Variants in FKBP15 observed in about 807,000 individuals in gnomAD.
FKBP15 encodes the protein FK506-binding protein 15.
In FKBP15, 106 loss-of-function variants were observed where a neutral mutation model predicts 158.1. That is an observed-to-expected ratio of 0.67 (90% CI 0.57 to 0.79). FKBP15 has a LOEUF of 0.79. Ranked by LOEUF, FKBP15 falls within the 30% of genes least tolerant of loss-of-function variation. The probability of loss-of-function intolerance (pLI) is 0.00; values close to 1 mark genes in which losing one functional copy is unlikely to be tolerated. For missense variants in FKBP15, 1,287 were observed against 1,479.1 expected, an observed-to-expected ratio of 0.87 and a Z score of 2.13; for synonymous variants, 547 against 548.6, an observed-to-expected ratio of 1.00 and a Z score of 0.04.
At chr9:113,206,659 T>A in intron 3 of FKBP15, 81 bp from the exon 4 acceptor site, 1 of 747,570 alleles carries the variant, frequency 1.3e-6, no homozygotes, top group Non-Finnish European at 2.0e-6. Flanking sequence ...CATACAGAAG[T>A]GGGAACAACA....
In FKBP15 at chr9:113,163,115, C is replaced by T. The variant is rs1253004689; in HGVS notation, c.*2963G>A. 5 of 522,300 alleles carry T rather than the reference C, an allele frequency of 9.6e-6. No individual in the cohort carries two copies. The highest frequency in any genetic ancestry group is 5.9e-5 in the African/African-American group (3 of 51,144). The allele number at this position is 522,300 out of a possible 1,614,324, so 32.4% of individuals were successfully genotyped here. On this transcript the variant is annotated 3_prime_UTR_variant, in exon 28 of 28. Transcript: ENST00000238256. ...GCAACCTTCCTTCTCAGCCAGCCTA[C>T]GTAGGGCCCAGGCATGGTCTTGTGT...
intron 12 of FKBP15, among the ~76,000 whole-genome samples, chr9:113,189,580 A>C (rs1452320674): frequency 6.6e-6 from 1 of 152,116 alleles, no homozygotes; most frequent in Non-Finnish European, 1.5e-5. Context: ...GGCCTCAGAA[A>C]TCCTATCTTC....
At chr9:113,186,169 G>A (rs755043298) in intron 15 of FKBP15, 80 bp downstream of exon 15, 2 of 919,538 alleles carry the variant, frequency 2.2e-6, no homozygotes, top group Admixed American at 2.1e-5. Flanking sequence ...AGAGCTGTTG[G>A]TGTGAAAATG....
At position 113,184,357 on chromosome 9, in the gene FKBP15, T is replaced by A. The variant is rs1443559822; in HGVS notation, c.1651A>T (p.Ile551Phe). ...TCCATTGTAACTGACATGCTAGGAA[T>A]AAGCATGGAATTGCCAGCACTATGT... ...QKHSAGNSML[I>F]PSMSVTMETS... Residue 551 changes from isoleucine (I) to phenylalanine (F), a missense_variant, in exon 17 of 28, where the codon ATT becomes TTT. Transcript: ENST00000238256. This position sits in a 1 kb window ranked among gnomAD's most constrained non-coding sequence, Gnocchi z 4.5. 3 of 1,607,554 alleles carry A rather than the reference T, an allele frequency of 1.9e-6. No homozygotes were observed. The highest frequency in any genetic ancestry group is 2.5e-6 in the Non-Finnish European group (3 of 1,176,750).
intron 6 of FKBP15, among the ~76,000 whole-genome samples, chr9:113,200,665 G>A (rs567380327): frequency 3.9e-4 from 59 of 152,240 alleles, no homozygotes; most frequent in African/African-American, 1.3e-3. Flanking sequence ...AGATCTTTAT[G>A]AGTTTAGAAA....
intron 8 of FKBP15, among the ~76,000 whole-genome samples, chr9:113,197,736 C>T (rs947541680): frequency 3.9e-5 from 6 of 152,262 alleles, no homozygotes; most frequent in Admixed American, 3.9e-4. Flanking sequence ...CTTGTTTAAG[C>T]CCCTCCAAAA....
chr9:113,194,185 A>G lies in FKBP15; in HGVS notation c.865-16T>C. 1 of 1,584,176 alleles carries G rather than the reference A, an allele frequency of 6.3e-7. No homozygotes were observed. The highest frequency in any genetic ancestry group is 8.6e-7 in the Non-Finnish European group (1 of 1,163,432). On this transcript the variant is annotated splice_polypyrimidine_tract_variant and intron_variant, in intron 9 of 27. Transcript: ENST00000238256. ...CAAACTTCACCTAAGGAAACACCGC[A>G]TATTCTCACTCATAGGTGGGAATTG...
intron 1 of FKBP15, among the ~76,000 whole-genome samples, chr9:113,214,554 C>A (rs1831079853): frequency 6.6e-6 from 1 of 152,172 alleles, no homozygotes; most frequent in African/African-American, 2.4e-5. Flanking sequence ...ATTTGCAGAG[C>A]ACAGGCAGAG....
At chr9:113,206,431 G>C in intron 4 of FKBP15, 78 bp downstream of exon 4, 1 of 1,104,272 alleles carries the variant, frequency 9.1e-7, no homozygotes. Flanking sequence ...ACAAGACATC[G>C]GGCAAGCCAG....
intron 25 of FKBP15, among the ~76,000 whole-genome samples, chr9:113,170,292 A>C (rs1186458529): frequency 6.6e-6 from 1 of 151,988 alleles, no homozygotes; most frequent in African/African-American, 2.4e-5. Flanking sequence ...TACCCGGCTA[A>C]TTTTTAAATT....
rs762320344 is a variant in FKBP15, at chr9:113,190,593, A to C, written c.1066-15T>G. The C allele has an allele frequency of 1.0e-5, 16 of 1,587,420 alleles. No individual in the cohort carries two copies. In the East Asian group the frequency reaches 3.6e-4, roughly 36 times the overall value. ...GCATCGGGACTCTAAAAAGAGAGGA[A>C]AGTCACAAAAATCACTGTGATTAAA... On this transcript the variant is annotated splice_polypyrimidine_tract_variant and intron_variant, in intron 11 of 27. Coordinates refer to ENST00000238256, the MANE Select transcript of FKBP15 (RefSeq NM_015258.2).
chr9:113,217,015 T>G (rs1189308176), intron 1 of FKBP15, among the ~76,000 whole-genome samples: 1 of 150,166 alleles, frequency 6.7e-6, no homozygotes, highest in Non-Finnish European at 1.5e-5. Context: ...GCGATTCTCC[T>G]GCCTCAGCCT....
chr9:113,189,811 T>C (rs1830544612), intron 12 of FKBP15, among the ~76,000 whole-genome samples: 1 of 152,134 alleles, frequency 6.6e-6, no homozygotes, highest in Non-Finnish European at 1.5e-5. Context: ...AAGAATTAAG[T>C]TAAAATTAAG....
intron 24 of FKBP15, among the ~76,000 whole-genome samples, chr9:113,171,294 C>T (rs888040086): frequency 3.3e-5 from 5 of 152,060 alleles, no homozygotes; most frequent in African/African-American, 7.2e-5. Flanking sequence ...GGTGTGGTGG[C>T]GCGTGCCTGT....
intron 7 of FKBP15, 29 bp downstream of exon 7, chr9:113,199,785 A>C (rs540980107): frequency 7.4e-5 from 119 of 1,601,674 alleles, no homozygotes; most frequent in Non-Finnish European, 9.9e-5. Context: ...ATAAGTTTAC[A>C]AAAGAACTTG....
Position 113,164,384 on chromosome 9 carries a change from TATTA to T in FKBP15, c.*1690_*1693del, listed in dbSNP as rs1257817132. 1.3e-5 allele frequency: 2 copies of T among 152,220 alleles called. No homozygotes were observed. Among genetic ancestry groups the T allele is most frequent in the East Asian group, 1.9e-4 (1 of 5,188 alleles). 9.4% of individuals were successfully genotyped at this position (152,220 alleles called of 1,614,324 possible). A position where few individuals can be genotyped will look rare whatever the true frequency, so the allele number is the denominator to read the frequency against. On this transcript the variant is annotated 3_prime_UTR_variant, in exon 28 of 28. Transcript: ENST00000238256. ...AGTCATTCTTCATTCATGTAACAAG[TATTA>T]ATTGAGTACATGCTATAAGAAAAGT...
In FKBP15 at chr9:113,206,452, G is replaced by T. The variant is rs1277965399; in HGVS notation, c.324+57C>A. 1.6e-5 allele frequency: 23 copies of T among 1,397,740 alleles called. No individual in the cohort carries two copies. In the East Asian group the frequency reaches 5.0e-4, roughly 31 times the overall value. 86.6% of individuals were successfully genotyped at this position (1,397,740 alleles called of 1,614,324 possible). A position where few individuals can be genotyped will look rare whatever the true frequency, so the allele number is the denominator to read the frequency against. ...CATCGGGCAAGCCAGATAAAAGCCA[G>T]CTCATTGGTATTATTTGGGACATCT... is the stretch of plus-strand genomic sequence containing the variant. On this transcript the variant is annotated intron_variant, in intron 4 of 27. Transcript: ENST00000238256.
At chr9:113,196,512 T>C (rs1830687971) in intron 9 of FKBP15, among the ~76,000 whole-genome samples, 1 of 151,842 alleles carries the variant, frequency 6.6e-6, no homozygotes, top group African/African-American at 2.4e-5. Flanking sequence ...GCCTCCCAAG[T>C]AGCTGGGACT....
intron 1 of FKBP15, 75 bp downstream of exon 1, chr9:113,221,116 G>A: frequency 1.4e-6 from 2 of 1,469,230 alleles, no homozygotes; most frequent in South Asian, 2.6e-5. Context: ...GGCCTGAGAA[G>A]AGATCGACCC....
Sources: allele counts gnomAD v4.1 joint callset (sites outside exome capture counted in the v4.1 genomes callset), GRCh38; gene constraint gnomAD v4.1.1; non-coding constraint Gnocchi (gnomAD v3.1); transcripts MANE v1.5; gene names NCBI Gene and HGNC (gene_info 2026-07-23, HGNC 2026-07-21).